The following NSFL1C variants were observed in gnomAD, a reference collection of about 807,000 sequenced individuals.
NSFL1C encodes the protein NSFL1 cofactor, also known as NSFL1 cofactor p47.
Under a neutral mutation model 43.1 loss-of-function variants are expected in NSFL1C, and 14 were observed. That is an observed-to-expected ratio of 0.32 (90% CI 0.21 to 0.51). The LOEUF (loss-of-function observed/expected upper bound fraction) is 0.51. Among genes scored for constraint, NSFL1C ranks in the 20% least tolerant of loss-of-function variants. The pLI, the probability that NSFL1C is intolerant of heterozygous loss-of-function variation, is 0.98. For synonymous variants in NSFL1C, 171 were observed against 183.5 expected (o/e 0.93, Z 0.55); for missense variants, 406 against 472.5 (o/e 0.86, Z 1.30).
chr20:1,459,533 A>G (rs758290194), intron 2 of NSFL1C, among the ~76,000 whole-genome samples: 20 of 152,334 alleles, frequency 1.3e-4, no homozygotes, highest in Non-Finnish European at 2.4e-4. Context: ...ATACAGGTTT[A>G]GTGAGGCTTT....
intron 7 of NSFL1C, among the ~76,000 whole-genome samples, chr20:1,450,734 T>C (rs1655892127): frequency 6.6e-6 from 1 of 152,226 alleles, no homozygotes; most frequent in South Asian, 2.1e-4. Context: ...TAATCATATG[T>C]CTAGCCCAAG....
chr20:1,460,657 G>C (rs1326228385), intron 2 of NSFL1C, among the ~76,000 whole-genome samples: 1 of 152,180 alleles, frequency 6.6e-6, no homozygotes, highest in Non-Finnish European at 1.5e-5. Context: ...CTGCCTCTCT[G>C]TGATGATGGA....
chr20:1,454,873 A>G, intron 4 of NSFL1C, 94 bp downstream of exon 4: 1 of 1,359,650 alleles, frequency 7.4e-7, no homozygotes, highest in Non-Finnish European at 1.0e-6. Flanking sequence ...AATGAAAAAA[A>G]GAAAAAAATC....
At position 1,453,027 on chromosome 20, in the gene NSFL1C, T is replaced by A. The variant is rs1281681311; in HGVS notation, c.647+4A>T. 6.4e-7 allele frequency: 1 copy of A among 1,566,528 alleles called. No individual in the cohort carries two copies. Among genetic ancestry groups the A allele is most frequent in the South Asian group, 1.1e-5 (1 of 90,172 alleles). ...GGGACCTACAGGAGGGCTTTTTCAC[T>A]CACCCTCTGCGGATAGACTCCAGAA... is the stretch of plus-strand genomic sequence containing the variant. On this transcript the variant is annotated splice_donor_region_variant and intron_variant, in intron 6 of 8. Transcript: ENST00000216879.
chr20:1,458,921 GA>G (rs2090356433), intron 2 of NSFL1C, among the ~76,000 whole-genome samples: 1 of 151,902 alleles, frequency 6.6e-6, no homozygotes. Context: ...TTTATTTTTA[GA>G]AAAAAAGCAG....
intron 7 of NSFL1C, chr20:1,446,228 A>G: frequency 3.7e-6 from 1 of 270,882 alleles, no homozygotes; most frequent in South Asian, 3.2e-5. Flanking sequence ...GGAGTGGTGG[A>G]GGGGAGTGTT....
intron 1 of NSFL1C, among the ~76,000 whole-genome samples, chr20:1,465,845 G>C (rs1182210698): frequency 6.6e-6 from 1 of 152,204 alleles, no homozygotes; most frequent in African/African-American, 2.4e-5. Context: ...CTGGTAGCTA[G>C]TGAGGCCTTG....
At chr20:1,458,442 G>A (rs998971326) in intron 2 of NSFL1C, among the ~76,000 whole-genome samples, 168 bp from the exon 3 acceptor site, 3 of 152,072 alleles carry the variant, frequency 2.0e-5, no homozygotes, top group African/African-American at 7.2e-5. Context: ...AAAATAATGT[G>A]GCATTTATTT....
At chr20:1,451,204 G>C (rs1038403899) in intron 7 of NSFL1C, among the ~76,000 whole-genome samples, 1 of 152,204 alleles carries the variant, frequency 6.6e-6, no homozygotes, top group Non-Finnish European at 1.5e-5. Context: ...TAGATGAAAT[G>C]ATGAGAACAG....
intron 7 of NSFL1C, among the ~76,000 whole-genome samples, chr20:1,447,536 A>G (rs2090086196): frequency 8.7e-6 from 1 of 115,228 alleles, no homozygotes; most frequent in African/African-American, 3.3e-5. Flanking sequence ...AGGGAAGCCA[A>G]AAGACTGGAC....
intron 2 of NSFL1C, among the ~76,000 whole-genome samples, chr20:1,459,441 T>C (rs1022721461): frequency 2.0e-5 from 3 of 152,188 alleles, no homozygotes; most frequent in Non-Finnish European, 2.9e-5. Flanking sequence ...GAAATGTGAG[T>C]CAATTAAATC....
At chr20:1,466,162 G>A (rs1459559246) in intron 1 of NSFL1C, among the ~76,000 whole-genome samples, 1 of 152,202 alleles carries the variant, frequency 6.6e-6, no homozygotes, top group African/African-American at 2.4e-5. Context: ...TACTCAGTAC[G>A]TGCCAATGAA....
intron 8 of NSFL1C, among the ~76,000 whole-genome samples, chr20:1,444,625 T>C (rs557473063): frequency 3.3e-5 from 5 of 152,336 alleles, no homozygotes; most frequent in African/African-American, 9.6e-5. Flanking sequence ...CTAAAATCTA[T>C]GCAACTTACA....
rs888221239 is a variant in NSFL1C, at chr20:1,443,475, G to C, written c.*274C>G. 3.2e-6 allele frequency: 1 copy of C among 308,988 alleles called. No individual in the cohort carries two copies. Among genetic ancestry groups the C allele is most frequent in the Non-Finnish European group, 6.0e-6 (1 of 166,360 alleles). The allele number at this position is 308,988 out of a possible 1,614,324, so 19.1% of individuals were successfully genotyped here. ...GCAATTAAAGCCTGCTTCAGTGGGA[G>C]AGTTTCCGTACAACATGCTGGTGAT... On this transcript the variant is annotated 3_prime_UTR_variant, in exon 9 of 9. Coordinates refer to ENST00000216879, the MANE Select transcript of NSFL1C (RefSeq NM_016143.5).
chr20:1,452,091 C>G (rs1381023580), intron 7 of NSFL1C, among the ~76,000 whole-genome samples: 1 of 152,212 alleles, frequency 6.6e-6, no homozygotes. Flanking sequence ...GGAGATGACA[C>G]CTTCCCTGAA....
At chr20:1,456,739 A>G (rs1210195774) in intron 3 of NSFL1C, 1 of 152,184 alleles carries the variant, frequency 6.6e-6, no homozygotes, top group East Asian at 1.9e-4. Flanking sequence ...CATGCCCTTG[A>G]CCTGGTATTT....
chr20:1,444,947 T>C (rs942492804), intron 8 of NSFL1C, among the ~76,000 whole-genome samples: 1 of 152,192 alleles, frequency 6.6e-6, no homozygotes, highest in Non-Finnish European at 1.5e-5. Context: ...CCAGTCAATA[T>C]TCAACGACTG....
At chr20:1,462,181 G>A (rs1599970424) in intron 2 of NSFL1C, among the ~76,000 whole-genome samples, 2 of 152,138 alleles carry the variant, frequency 1.3e-5, no homozygotes, top group Non-Finnish European at 2.9e-5. Context: ...GTCAAAAGTG[G>A]GGGATGGGAG....
intron 1 of NSFL1C, 120 bp downstream of exon 1, chr20:1,466,599 TG>T: frequency 1.1e-6 from 1 of 942,336 alleles, no homozygotes; most frequent in South Asian, 1.6e-5. Flanking sequence ...CCATGAGGCC[TG>T]GGTCGGGCCG....
Sources: allele counts gnomAD v4.1 joint callset (sites outside exome capture counted in the v4.1 genomes callset), GRCh38; gene constraint gnomAD v4.1.1; transcripts MANE v1.5; gene names NCBI Gene and HGNC (gene_info 2026-07-23, HGNC 2026-07-21).